Variants in XKR9 observed in about 807,000 individuals in gnomAD.
XKR9 encodes the protein XK-related protein 9.
A neutral mutation model predicts 32.0 loss-of-function variants in XKR9; 32 were observed. The ratio of observed to expected loss-of-function variants is 1.00; its 90% confidence interval spans 0.76 to 1.34. The LOEUF (loss-of-function observed/expected upper bound fraction) is 1.34. XKR9 is among the 40% of genes most tolerant of loss of function. The probability of loss-of-function intolerance (pLI) is 0.00; values close to 1 mark genes in which losing one functional copy is unlikely to be tolerated. For synonymous variants in XKR9, 168 were observed against 143.4 expected, an observed-to-expected ratio of 1.17 and a Z score of -1.22; for missense variants, 546 against 429.7, an observed-to-expected ratio of 1.27 and a Z score of -2.39.
the XKR9 span, among the ~76,000 whole-genome samples, chr8:70,899,937 G>A: frequency 4.6e-5 from 7 of 151,916 alleles, 1 homozygote; most frequent in Admixed American, 2.0e-4. Flanking sequence ...TGCATTTCTA[G>A]CTACAGAATA....
the XKR9 span, among the ~76,000 whole-genome samples, chr8:70,990,972 G>C: frequency 2.0e-5 from 3 of 152,138 alleles, no homozygotes; most frequent in Admixed American, 6.5e-5. Context: ...ATAACAATAG[G>C]TCTTTCACCT....
At chr8:70,988,185 T>A in the XKR9 span, among the ~76,000 whole-genome samples, 1 of 152,178 alleles carries the variant, frequency 6.6e-6, no homozygotes, top group Non-Finnish European at 1.5e-5. Context: ...GTGGGAATTA[T>A]GGGAGTACAA....
At position 70,689,343 on chromosome 8, in the gene XKR9, A is replaced by G. The variant is rs528024890; in HGVS notation, c.272+8013A>G. 1.3e-4 allele frequency among the ~76,000 whole-genome samples: 20 copies of G among 151,740 alleles called. No individual in the cohort carries two copies. In the East Asian group the frequency reaches 3.7e-3, roughly 28 times the overall value. On this transcript the variant is annotated intron_variant, in intron 3 of 4. Coordinates refer to ENST00000408926, the MANE Select transcript of XKR9 (RefSeq NM_001011720.2). ...GATTAACAAAAATCTGAATGACTAT[A>G]TACTCTCTTGGTAAAGTGTGAGAAA...
In XKR9 at chr8:70,685,262, G is replaced by T. The variant is rs1019820007; in HGVS notation, c.272+3932G>T. 4.1e-5 allele frequency among the ~76,000 whole-genome samples: 6 copies of T among 147,130 alleles called. No individual in the cohort carries two copies. In the East Asian group the frequency reaches 1.2e-3, roughly 30 times the overall value. On this transcript the variant is annotated intron_variant, in intron 3 of 4. Transcript: ENST00000408926. ...TCACAAGAACAAAAAACCAAACACCGCATATTCTCACTCGTAGGTGGGAAT... is the reference window on the plus strand; with the variant it reads ...TCACAAGAACAAAAAACCAAACACCTCATATTCTCACTCGTAGGTGGGAAT...
chr8:70,755,757 T>C (rs1251686220), intron 2 of XKR9, among the ~76,000 whole-genome samples: 2 of 69,088 alleles, frequency 2.9e-5, no homozygotes, highest in Non-Finnish European at 5.5e-5. Context: ...TGGTGACTGT[T>C]GTGGGGTGGG....
the XKR9 span, among the ~76,000 whole-genome samples, chr8:71,061,006 C>A: frequency 3.9e-5 from 6 of 152,118 alleles, no homozygotes; most frequent in Admixed American, 2.0e-4. Context: ...CTGTAATAAG[C>A]CTTTCATATG....
At chr8:70,891,880 T>A in the XKR9 span, among the ~76,000 whole-genome samples, 1 of 152,076 alleles carries the variant, frequency 6.6e-6, no homozygotes, top group East Asian at 1.9e-4. Context: ...TATGATTTCA[T>A]TGGCATCTAT....
At chr8:70,681,702 T>C (rs1819090472) in intron 3 of XKR9, among the ~76,000 whole-genome samples, 1 of 152,134 alleles carries the variant, frequency 6.6e-6, no homozygotes. Flanking sequence ...ATACTTATCA[T>C]TGATTTAACT....
At chr8:71,047,684 G>T in the XKR9 span, among the ~76,000 whole-genome samples, 9 of 152,004 alleles carry the variant, frequency 5.9e-5, no homozygotes, top group Non-Finnish European at 1.0e-4. Context: ...TTTCCCTGTG[G>T]GCCTGTGAGC....
chr8:71,052,913 T>G, the XKR9 span, among the ~76,000 whole-genome samples: 10 of 152,214 alleles, frequency 6.6e-5, no homozygotes, highest in Non-Finnish European at 1.5e-4. Flanking sequence ...AAGGAATCAG[T>G]AACCCTGTCT....
chr8:70,932,364 A>G, the XKR9 span, among the ~76,000 whole-genome samples: 1 of 152,096 alleles, frequency 6.6e-6, no homozygotes, highest in Non-Finnish European at 1.5e-5. Context: ...AGAATACAGT[A>G]TTTGAGCTGG....
At chr8:70,696,744 A>T (rs1213602426) in intron 3 of XKR9, among the ~76,000 whole-genome samples, 1 of 150,782 alleles carries the variant, frequency 6.6e-6, no homozygotes, top group African/African-American at 2.4e-5. Flanking sequence ...CTTGATGGGG[A>T]TGACATTGAA....
chr8:70,820,989 A>G, the XKR9 span, among the ~76,000 whole-genome samples: 2 of 152,176 alleles, frequency 1.3e-5, no homozygotes, highest in Non-Finnish European at 2.9e-5. Flanking sequence ...CCAAAGTCTT[A>G]ATTAATTCCA....
chr8:70,897,468 A>G, the XKR9 span, among the ~76,000 whole-genome samples: 2 of 152,188 alleles, frequency 1.3e-5, no homozygotes, highest in East Asian at 1.9e-4. Context: ...ACTATTCTCC[A>G]TAGTGGTTAT....
chr8:70,716,405 A>G (rs1038406636), intron 4 of XKR9, among the ~76,000 whole-genome samples: 1 of 151,168 alleles, frequency 6.6e-6, no homozygotes, highest in Non-Finnish European at 1.5e-5. Flanking sequence ...AAATAGGTTT[A>G]ATTGACTCAC....
chr8:70,766,308 A>G (rs1310027419), intron 2 of XKR9, among the ~76,000 whole-genome samples: 1 of 152,200 alleles, frequency 6.6e-6, no homozygotes, highest in Non-Finnish European at 1.5e-5. Context: ...TTCTCCTTGA[A>G]GAGGTCCTTT....
the XKR9 span, among the ~76,000 whole-genome samples, chr8:71,050,290 TAG>T: frequency 2.3e-3 from 313 of 134,094 alleles, 2 homozygotes; most frequent in East Asian, 4.5e-3. Flanking sequence ...GATATAGATA[TAG>T]ATATATATAT....
chr8:70,715,425 G>A (rs1229275210), intron 4 of XKR9, among the ~76,000 whole-genome samples: 1 of 152,138 alleles, frequency 6.6e-6, no homozygotes, highest in Non-Finnish European at 1.5e-5. Context: ...AACAGATAGG[G>A]CTTTGCTAGG....
the XKR9 span, among the ~76,000 whole-genome samples, chr8:71,016,240 CT>C: frequency 6.6e-6 from 1 of 151,974 alleles, no homozygotes; most frequent in Non-Finnish European, 1.5e-5. Flanking sequence ...ATTGATCTTC[CT>C]TATTTAAGAA....
Sources: allele counts gnomAD v4.1 joint callset (sites outside exome capture counted in the v4.1 genomes callset), GRCh38; gene constraint gnomAD v4.1.1; transcripts MANE v1.5; gene names NCBI Gene and HGNC (gene_info 2026-07-23, HGNC 2026-07-21).